LRP1B: variants seen among roughly 807,000 people sequenced by gnomAD.
LRP1B encodes the protein low-density lipoprotein receptor-related protein 1B.
LRP1B carries 217 observed loss-of-function variants against 556.6 expected under a neutral mutation model. That is an observed-to-expected ratio of 0.39 (90% CI 0.35 to 0.44). The LOEUF is 0.44. Among genes scored for constraint, LRP1B ranks in the 20% least tolerant of loss-of-function variants. The pLI, the probability that LRP1B is intolerant of heterozygous loss-of-function variation, is 1.00. For synonymous variants in LRP1B, 2,047 were observed against 1,865.8 expected, an observed-to-expected ratio of 1.10 and a Z score of -2.50; for missense variants, 5,053 against 5,620.8, an observed-to-expected ratio of 0.90 and a Z score of 3.23.
At chr2:141,568,521 G>A (rs759692950) in intron 2 of LRP1B, among the ~76,000 whole-genome samples, 21 of 150,856 alleles carry the variant, frequency 1.4e-4, no homozygotes, top group Non-Finnish European at 2.8e-4. Context: ...ATCAGAATTC[G>A]GCATTTGATC....
intron 86 of LRP1B, among the ~76,000 whole-genome samples, chr2:140,251,231 C>T (rs1681397658): frequency 6.6e-6 from 1 of 151,712 alleles, no homozygotes. Context: ...AGGGGACAAA[C>T]TATAATCTTT....
At chr2:141,225,934 G>C (rs990900068) in intron 6 of LRP1B, among the ~76,000 whole-genome samples, 1 of 151,942 alleles carries the variant, frequency 6.6e-6, no homozygotes, top group East Asian at 1.9e-4. Context: ...CCACTTAGAG[G>C]GCCTGTCTTT....
At chr2:141,434,182 G>T (rs1680671078) in intron 3 of LRP1B, among the ~76,000 whole-genome samples, 1 of 152,018 alleles carries the variant, frequency 6.6e-6, no homozygotes, top group Non-Finnish European at 1.5e-5. Context: ...TATTTTTTCT[G>T]TCCCTTTCTC....
intron 77 of LRP1B, among the ~76,000 whole-genome samples, chr2:140,339,831 G>T (rs2105093904): frequency 6.7e-6 from 1 of 148,352 alleles, no homozygotes; most frequent in East Asian, 2.1e-4. Flanking sequence ...GAGCTAGAAT[G>T]TGTACGCGAT....
chr2:141,646,093 T>C (rs1689552449), intron 2 of LRP1B, among the ~76,000 whole-genome samples: 1 of 152,176 alleles, frequency 6.6e-6, no homozygotes, highest in African/African-American at 2.4e-5. Context: ...TGCCTAAATA[T>C]TGTCAACTAA....
At chr2:141,424,788 A>G (rs1680292327) in intron 3 of LRP1B, among the ~76,000 whole-genome samples, 1 of 152,184 alleles carries the variant, frequency 6.6e-6, no homozygotes, top group Non-Finnish European at 1.5e-5. Flanking sequence ...TAATATGTAC[A>G]TCTCTCAGTA....
intron 41 of LRP1B, among the ~76,000 whole-genome samples, chr2:140,609,759 G>A (rs1298901787): frequency 6.6e-6 from 1 of 152,042 alleles, no homozygotes; most frequent in Non-Finnish European, 1.5e-5. Flanking sequence ...TTTCCACACT[G>A]ATCACTGCCG....
chr2:141,335,737 T>C (rs1687825023), intron 3 of LRP1B, among the ~76,000 whole-genome samples: 1 of 152,020 alleles, frequency 6.6e-6, no homozygotes, highest in African/African-American at 2.4e-5. Context: ...GAAGGCAACA[T>C]GAACAGTGTG....
At chr2:141,446,410 T>C (rs1681195653) in intron 3 of LRP1B, among the ~76,000 whole-genome samples, 1 of 152,184 alleles carries the variant, frequency 6.6e-6, no homozygotes, top group Non-Finnish European at 1.5e-5. Flanking sequence ...CCTGTTAACA[T>C]TTAAGGTTAA....
At chr2:141,974,294 G>T (rs1210927569) in intron 1 of LRP1B, among the ~76,000 whole-genome samples, 1 of 152,014 alleles carries the variant, frequency 6.6e-6, no homozygotes, top group Non-Finnish European at 1.5e-5. Flanking sequence ...AGAATTCCAT[G>T]ACTGGCTGTA....
chr2:141,210,083 C>T (rs1326425015), intron 6 of LRP1B, among the ~76,000 whole-genome samples: 1 of 145,684 alleles, frequency 6.9e-6, no homozygotes, highest in Non-Finnish European at 1.5e-5. Context: ...AAAAAAAAGA[C>T]AACAAGAATC....
intron 2 of LRP1B, among the ~76,000 whole-genome samples, chr2:141,649,018 C>A (rs191133310): frequency 2.0e-5 from 3 of 152,304 alleles, no homozygotes; most frequent in Non-Finnish European, 1.5e-5. Context: ...TTAGTTTAGG[C>A]AGATGAAGCC....
At chr2:141,157,276 G>GT (rs1702090641) in intron 7 of LRP1B, among the ~76,000 whole-genome samples, 1 of 151,942 alleles carries the variant, frequency 6.6e-6, no homozygotes, top group Non-Finnish European at 1.5e-5. Flanking sequence ...CATATGAACA[G>GT]GTTTTTCTGG....
At chr2:140,557,416 A>G (rs1680772843) in intron 43 of LRP1B, among the ~76,000 whole-genome samples, 1 of 152,174 alleles carries the variant, frequency 6.6e-6, no homozygotes, top group African/African-American at 2.4e-5. Context: ...CAATACAAAA[A>G]TTTAACAGTA....
chr2:140,598,926 A>G (rs1682548363), intron 42 of LRP1B, 91 bp from the exon 43 acceptor site: 1 of 811,622 alleles, frequency 1.2e-6, no homozygotes, highest in Non-Finnish European at 2.0e-6. Context: ...GCTATTTTAA[A>G]AGAAGCAGAA....
At chr2:140,794,327 C>T (rs774068628) in intron 32 of LRP1B, among the ~76,000 whole-genome samples, 7 of 152,034 alleles carry the variant, frequency 4.6e-5, no homozygotes, top group Non-Finnish European at 8.8e-5. Context: ...CAGTGAAATA[C>T]ACCAAGTATT....
chr2:140,573,021 C>T (rs893192226), intron 43 of LRP1B, among the ~76,000 whole-genome samples: 3 of 151,450 alleles, frequency 2.0e-5, no homozygotes, highest in Non-Finnish European at 3.0e-5. Context: ...AAGGAGATGT[C>T]GGTTAACAAA....
At chr2:142,043,995 A>ATG (rs1270118383) in intron 1 of LRP1B, among the ~76,000 whole-genome samples, 3 of 151,876 alleles carry the variant, frequency 2.0e-5, no homozygotes, top group Middle Eastern at 3.4e-3. Context: ...AACCTCAAAC[A>ATG]TGTACAATTA....
intron 35 of LRP1B, among the ~76,000 whole-genome samples, chr2:140,765,778 T>A (rs2104925726): frequency 6.6e-6 from 1 of 152,276 alleles, no homozygotes; most frequent in South Asian, 2.1e-4. Flanking sequence ...GTTTTGAGAA[T>A]ACATTCTTTC....
Sources: allele counts gnomAD v4.1 joint callset (sites outside exome capture counted in the v4.1 genomes callset), GRCh38; gene constraint gnomAD v4.1.1; transcripts MANE v1.5; gene names NCBI Gene and HGNC (gene_info 2026-07-23, HGNC 2026-07-21).